Variants in TANGO6 observed in about 807,000 individuals in gnomAD.
The protein encoded by TANGO6 is transport and golgi organization 6 homolog.
A neutral mutation model predicts 114.2 loss-of-function variants in TANGO6; 90 were observed. That is an observed-to-expected ratio of 0.79 (90% CI 0.66 to 0.94). The LOEUF (loss-of-function observed/expected upper bound fraction) is 0.94. Ranked by LOEUF, TANGO6 falls within the 40% of genes least tolerant of loss-of-function variation. TANGO6 has a pLI of 0.00. For synonymous variants in TANGO6, 477 were observed against 509.8 expected (o/e 0.94, Z 0.87); for missense variants, 1,274 against 1,315.3 (o/e 0.97, Z 0.49).
Position 68,855,254 on chromosome 16 carries a change from A to T in TANGO6, c.95-4630A>T, listed in dbSNP as rs551946461. Among the ~76,000 whole-genome samples the T allele has an allele frequency of 3.3e-5, 5 of 152,084 alleles. No homozygotes were observed. In the South Asian group the frequency reaches 1.0e-3, roughly 32 times the overall value. On this transcript the variant is annotated intron_variant, in intron 1 of 17. Transcript: ENST00000261778. ...ATTTCTCAGCAAGTTTTCAGTGTAG[A>T]GAGTTTGTATATTTTGTGTTAAATT...
intron 15 of TANGO6, among the ~76,000 whole-genome samples, chr16:68,981,422 G>T (rs372721560): frequency 1.3e-5 from 2 of 151,944 alleles, no homozygotes; most frequent in African/African-American, 4.8e-5. Flanking sequence ...TGTTGGCTAG[G>T]CTGGTCTCGA....
intron 15 of TANGO6, among the ~76,000 whole-genome samples, chr16:68,990,800 A>G (rs1963939885): frequency 6.6e-6 from 1 of 152,196 alleles, no homozygotes; most frequent in Non-Finnish European, 1.5e-5. Flanking sequence ...TGCTGTGTTA[A>G]TGGATTTGGA....
intron 17 of TANGO6, among the ~76,000 whole-genome samples, chr16:69,059,848 C>T (rs370208994): frequency 6.6e-6 from 1 of 152,084 alleles, no homozygotes; most frequent in Non-Finnish European, 1.5e-5. Context: ...AGTCTGGTCC[C>T]GACTAATAAT....
intron 7 of TANGO6, among the ~76,000 whole-genome samples, chr16:68,891,450 G>T (rs1029042984): frequency 6.6e-6 from 1 of 152,020 alleles, no homozygotes; most frequent in Non-Finnish European, 1.5e-5. Flanking sequence ...ACAGAGCAAG[G>T]CTCCCTCTCA....
At chr16:68,938,395 G>A (rs1963319912) in intron 14 of TANGO6, among the ~76,000 whole-genome samples, 1 of 152,192 alleles carries the variant, frequency 6.6e-6, no homozygotes, top group Admixed American at 6.5e-5. Flanking sequence ...TAGAGTCACA[G>A]TAGGTTTGTT....
intron 17 of TANGO6, among the ~76,000 whole-genome samples, chr16:69,071,998 A>G (rs1960301002): frequency 7.6e-6 from 1 of 131,722 alleles, no homozygotes; most frequent in East Asian, 2.2e-4. Flanking sequence ...GGCGCCTGGA[A>G]AGAGGGAGGG....
chr16:68,943,248 C>CTTT (rs373777162), intron 14 of TANGO6, among the ~76,000 whole-genome samples: 1 of 144,398 alleles, frequency 6.9e-6, no homozygotes, highest in African/African-American at 2.5e-5. Context: ...CTCTTTTTTT[C>CTTT]TTTTTTTTCT....
intron 15 of TANGO6, among the ~76,000 whole-genome samples, chr16:68,989,476 C>CT (rs1383301478): frequency 1.3e-5 from 2 of 151,942 alleles, no homozygotes; most frequent in Admixed American, 6.6e-5. Flanking sequence ...GTCCCTTTCT[C>CT]TTTTTTTGTT....
At chr16:69,040,187 C>G in intron 16 of TANGO6, 121 bp from the exon 17 acceptor site, 1 of 793,276 alleles carries the variant, frequency 1.3e-6, no homozygotes, top group Admixed American at 2.2e-5. Context: ...AAGCAACTAT[C>G]CAGCCCTCTC....
chr16:69,062,786 T>TAAAAAAAAAAA (rs1226491112), intron 17 of TANGO6, among the ~76,000 whole-genome samples: 1 of 104,166 alleles, frequency 9.6e-6, no homozygotes, highest in African/African-American at 3.3e-5. Flanking sequence ...AAAAAGAAAT[T>TAAAAAAAAAAA]TAAAAAAAAA....
At chr16:68,850,676 T>G (rs940594259) in intron 1 of TANGO6, among the ~76,000 whole-genome samples, 3 of 152,204 alleles carry the variant, frequency 2.0e-5, no homozygotes, top group African/African-American at 7.2e-5. Flanking sequence ...GCGGCCCATA[T>G]GGTCTCTGTT....
intron 15 of TANGO6, among the ~76,000 whole-genome samples, chr16:69,022,303 G>T (rs1332695605): frequency 7.2e-5 from 11 of 152,142 alleles, no homozygotes; most frequent in Admixed American, 7.2e-4. Context: ...GAATAAAATT[G>T]AGATTCTACA....
At chr16:69,062,775 T>TA (rs1463071589) in intron 17 of TANGO6, among the ~76,000 whole-genome samples, 8 of 57,356 alleles carry the variant, frequency 1.4e-4, no homozygotes, top group African/African-American at 5.2e-4. Context: ...ACCCGGCCCA[T>TA]AAAAAGAAAT....
intron 15 of TANGO6, among the ~76,000 whole-genome samples, chr16:68,975,855 C>A (rs1963760830): frequency 6.6e-6 from 1 of 152,102 alleles, no homozygotes; most frequent in South Asian, 2.1e-4. Flanking sequence ...TCGTGCCCAG[C>A]TGAGGGGAAT....
intron 16 of TANGO6, among the ~76,000 whole-genome samples, chr16:69,031,123 G>T (rs1377797387): frequency 6.6e-6 from 1 of 152,032 alleles, no homozygotes; most frequent in African/African-American, 2.4e-5. Flanking sequence ...ATGAGGAGCT[G>T]CTGCTTTGGG....
intron 3 of TANGO6, among the ~76,000 whole-genome samples, chr16:68,864,578 C>CT (rs1198696220): frequency 1.3e-5 from 2 of 151,556 alleles, no homozygotes; most frequent in Non-Finnish European, 1.5e-5. Context: ...GAGATCTTGT[C>CT]TTTAAAAAAA....
rs914978829 is a variant in TANGO6 at position 68,883,240 on chromosome 16, G to A, written c.1377+2610G>A. Among the ~76,000 whole-genome samples, 29 of 152,178 alleles carry A rather than the reference G, an allele frequency of 1.9e-4. 2 individuals are homozygous for A. Among genetic ancestry groups the A allele is most frequent in the Non-Finnish European group, 2.9e-5 (2 of 68,026 alleles). On this transcript the variant is annotated intron_variant, in intron 7 of 17. Coordinates refer to ENST00000261778, the MANE Select transcript of TANGO6 (RefSeq NM_024562.2). ...AAATAAAAATAAAGTGTACAGGCAT[G>A]CCTGTCATCCCAGGACTTTGGGAGG...
At chr16:69,004,920 A>T (rs1300161574) in intron 15 of TANGO6, among the ~76,000 whole-genome samples, 1 of 152,230 alleles carries the variant, frequency 6.6e-6, no homozygotes, top group African/African-American at 2.4e-5. Flanking sequence ...AGAAAATGAT[A>T]ACTTTAGGGT....
intron 12 of TANGO6, among the ~76,000 whole-genome samples, chr16:68,923,177 C>T (rs1395120889): frequency 6.6e-6 from 1 of 151,180 alleles, no homozygotes; most frequent in East Asian, 1.9e-4. Context: ...AGGCTAGTCC[C>T]GAACTCCTGA....
Sources: allele counts gnomAD v4.1 joint callset (sites outside exome capture counted in the v4.1 genomes callset), GRCh38; gene constraint gnomAD v4.1.1; transcripts MANE v1.5; gene names NCBI Gene and HGNC (gene_info 2026-07-23, HGNC 2026-07-21).